STPG2: variants seen among roughly 807,000 people sequenced by gnomAD.
STPG2 encodes sperm-tail PG-rich repeat-containing protein 2.
Under a neutral mutation model 54.2 loss-of-function variants are expected in STPG2, and 56 were observed. That is an observed-to-expected ratio of 1.03 (90% CI 0.83 to 1.29). STPG2 has a LOEUF of 1.29. Among genes scored for constraint, STPG2 ranks in the 50% most tolerant of loss-of-function variants. The pLI, the probability that STPG2 is intolerant of heterozygous loss-of-function variation, is 0.00. For synonymous variants in STPG2, 200 were observed against 181.8 expected (o/e 1.10, Z -0.81); for missense variants, 596 against 544.9 (o/e 1.09, Z -0.93).
chr4:97,934,713 A>G (rs2149222101), intron 8 of STPG2, among the ~76,000 whole-genome samples: 1 of 152,260 alleles, frequency 6.6e-6, no homozygotes, highest in East Asian at 1.9e-4. Context: ...TGAAGCCGAC[A>G]TGACCGTTGT....
rs1213695711 is a variant in STPG2, at chr4:97,686,937, TA to T, written c.1320+25761del. Among the ~76,000 whole-genome samples the T allele has an allele frequency of 5.5e-4, 81 of 148,118 alleles. No homozygotes were observed. The South Asian group carries it at 0.011, about 20-fold the overall frequency. On this transcript the variant is annotated intron_variant, in intron 10 of 10. Coordinates refer to ENST00000295268, the MANE Select transcript of STPG2 (RefSeq NM_174952.3). ...TTATTTTACTAATTATTATTATTAT[TA>T]TTATTTTTTTTTTTGAGAGAGAGAG...
chr4:97,619,493 T>C (rs963165416), intron 10 of STPG2, among the ~76,000 whole-genome samples: 1 of 150,920 alleles, frequency 6.6e-6, no homozygotes, highest in Non-Finnish European at 1.5e-5. Flanking sequence ...TGAGGGCTGA[T>C]AGGAAGATAA....
chr4:97,895,313 A>G (rs1730917211), intron 8 of STPG2, among the ~76,000 whole-genome samples: 1 of 151,936 alleles, frequency 6.6e-6, no homozygotes, highest in South Asian at 2.1e-4. Context: ...GTAAAGAGTA[A>G]GAAATTATAA....
chr4:97,804,167 T>A (rs954693716), intron 9 of STPG2, among the ~76,000 whole-genome samples: 8 of 152,344 alleles, frequency 5.3e-5, no homozygotes, highest in Admixed American at 1.3e-4. Context: ...CATAATATAA[T>A]GTTATACCTT....
chr4:97,444,608 C>G (rs573774197), intron 4 of STPG2, among the ~76,000 whole-genome samples: 3 of 152,228 alleles, frequency 2.0e-5, no homozygotes, highest in African/African-American at 4.8e-5. Context: ...AACAGCAAAC[C>G]TGTGCAAACA....
intron 5 of STPG2, among the ~76,000 whole-genome samples, chr4:98,035,825 T>C (rs1736758490): frequency 6.6e-6 from 1 of 151,998 alleles, no homozygotes; most frequent in Non-Finnish European, 1.5e-5. Context: ...AAACCATCAT[T>C]CTCAGCAAAC....
At chr4:97,679,499 T>G (rs1722960533) in intron 10 of STPG2, among the ~76,000 whole-genome samples, 1 of 151,852 alleles carries the variant, frequency 6.6e-6, no homozygotes, top group Non-Finnish European at 1.5e-5. Flanking sequence ...TAAATTTGTT[T>G]GAGTTCATTG....
intron 4 of STPG2, among the ~76,000 whole-genome samples, chr4:97,455,538 T>G (rs140816769): frequency 6.6e-6 from 1 of 152,278 alleles, no homozygotes; most frequent in East Asian, 1.9e-4. Context: ...AGAGCCTGGC[T>G]GCTGAGCGGC....
At chr4:97,855,394 G>A (rs909585222) in intron 8 of STPG2, among the ~76,000 whole-genome samples, 2 of 151,950 alleles carry the variant, frequency 1.3e-5, no homozygotes, top group Non-Finnish European at 2.9e-5. Context: ...TCTCATTGTG[G>A]TTTTGATTTC....
At chr4:97,741,873 C>G (rs1283273520) in intron 9 of STPG2, among the ~76,000 whole-genome samples, 2 of 152,054 alleles carry the variant, frequency 1.3e-5, no homozygotes, top group Non-Finnish European at 2.9e-5. Flanking sequence ...GGTATATACC[C>G]AAAGGACTAT....
intron 8 of STPG2, among the ~76,000 whole-genome samples, chr4:97,904,760 A>AAAGGAGCTGAT (rs1289554587): frequency 1.3e-5 from 2 of 152,224 alleles, no homozygotes; most frequent in Non-Finnish European, 2.9e-5. Flanking sequence ...AGAAGTGCCT[A>AAAGGAGCTGAT]AAGGAGCTGA....
chr4:97,638,937 C>T (rs888710706), intron 10 of STPG2, among the ~76,000 whole-genome samples: 5 of 148,668 alleles, frequency 3.4e-5, no homozygotes, highest in East Asian at 3.9e-4. Context: ...GTCAGTGTGG[C>T]GATTCCTCAG....
At chr4:97,712,870 T>C (rs1724169646) in intron 9 of STPG2, 56 bp from the exon 10 acceptor site, 5 of 1,279,480 alleles carry the variant, frequency 3.9e-6, no homozygotes, top group Middle Eastern at 4.7e-4. Context: ...ATTATTGATT[T>C]TGGTCATATG....
chr4:97,831,598 A>G (rs1728465504), intron 9 of STPG2, among the ~76,000 whole-genome samples: 2 of 152,168 alleles, frequency 1.3e-5, no homozygotes, highest in African/African-American at 4.8e-5. Context: ...GCTTTTTTGA[A>G]AAGATCAACA....
intron 9 of STPG2, among the ~76,000 whole-genome samples, chr4:97,793,057 G>T (rs1727052034): frequency 6.6e-6 from 1 of 151,966 alleles, no homozygotes; most frequent in African/African-American, 2.4e-5. Flanking sequence ...GGGACGCTGA[G>T]GCAGGAGAAT....
At chr4:97,902,367 C>T (rs1237416649) in intron 8 of STPG2, among the ~76,000 whole-genome samples, 1 of 151,998 alleles carries the variant, frequency 6.6e-6, no homozygotes, top group Non-Finnish European at 1.5e-5. Context: ...AAAAAGGCAA[C>T]CTACAGAATA....
chr4:97,977,370 A>G (rs895255721), intron 6 of STPG2, among the ~76,000 whole-genome samples: 10 of 152,312 alleles, frequency 6.6e-5, no homozygotes, highest in Admixed American at 2.6e-4. Flanking sequence ...TTTTCTGACT[A>G]TAAGAGCAAG....
intron 8 of STPG2, among the ~76,000 whole-genome samples, chr4:97,943,638 C>T (rs1423104008): frequency 6.6e-6 from 1 of 152,136 alleles, no homozygotes; most frequent in Non-Finnish European, 1.5e-5. Flanking sequence ...GTTCAGCTTT[C>T]ATATATGTCC....
At chr4:97,797,172 C>G (rs1406485355) in intron 9 of STPG2, among the ~76,000 whole-genome samples, 1 of 152,104 alleles carries the variant, frequency 6.6e-6, no homozygotes, top group Non-Finnish European at 1.5e-5. Context: ...AATTGAATAC[C>G]CTTTATTGAT....
Sources: gnomAD v4.1 joint callset for allele counts (sites outside exome capture counted in the v4.1 genomes callset) on GRCh38, gnomAD v4.1.1 for gene constraint, MANE v1.5 for transcripts, NCBI Gene and HGNC (gene_info 2026-07-23, HGNC 2026-07-21) for gene names.